PSG1: variants seen among roughly 807,000 people sequenced by gnomAD.
The protein encoded by PSG1 is pregnancy-specific beta-1-glycoprotein 1.
In PSG1, 60 loss-of-function variants were observed where a neutral mutation model predicts 41.4. The observed-to-expected ratio is 1.45, with a 90% confidence interval of 1.18 to 1.80. The LOEUF is 1.80. PSG1 is among the 40% of genes most tolerant of loss of function. The pLI, the probability that PSG1 is intolerant of heterozygous loss-of-function variation, is 0.00. For missense variants in PSG1, 806 were observed against 516.9 expected (o/e 1.56, Z -5.42); for synonymous variants, 256 against 192.9 (o/e 1.33, Z -2.71).
In PSG1 at chr19:42,869,290, C is replaced by T. The variant is rs576891435; in HGVS notation, c.710-256G>A. 1.9e-3 allele frequency: 1,482 copies of T among 779,372 alleles called. 12 individuals carry two copies. The highest frequency in any genetic ancestry group is 5.7e-3 in the South Asian group (248 of 43,854). 48.3% of individuals were successfully genotyped at this position (779,372 alleles called of 1,614,324 possible). On this transcript the variant is annotated intron_variant, in intron 3 of 5. Coordinates refer to ENST00000436291, the MANE Select transcript of PSG1 (RefSeq NM_001184825.2). ...AGCAGTGTTGGGTCATGGACAGACA[C>T]GTCAGTGGGAGTCACAGCCCCTGGT...
At position 42,868,163 on chromosome 19, in the gene PSG1, C is replaced by A. The variant is rs571012006; in HGVS notation, c.1181G>T (p.Cys394Phe). The A allele has an allele frequency of 6.2e-6, 10 of 1,612,396 alleles. 1 individual carries two copies. In the Admixed American group the frequency reaches 1.2e-4, roughly 19 times the overall value. The change falls in exon 5 of 6, where the codon TGC becomes TTC. Residue 394 changes from cysteine to phenylalanine, a missense_variant. Cys to Phe is a radical substitution (Grantham distance 205, BLOSUM62 -2). Transcript: ENST00000436291. ...GCCAGTGGCTGAGTTACGAACAGAG[C>A]AAACATAGAGCCCGCTATGCTTTGT... is the stretch of plus-strand genomic sequence containing the variant. The part of the protein sequence containing the change: ...ITTKHSGLYV[C>F]SVRNSATGKE...
At chr19:42,870,056 G>T (rs1182835732) in intron 3 of PSG1, 2 of 151,636 alleles carry the variant, frequency 1.3e-5, no homozygotes, top group African/African-American at 4.8e-5. Flanking sequence ...AATATGAGAA[G>T]AGACTGCTGG....
Position 42,866,841 on chromosome 19 carries a change from T to G in PSG1, c.*293A>C. ...AAGAGGCAGGCATGAGCAAGGACAG[T>G]TAAGAGGGGGGAGAGCCTCATCATG... On this transcript the variant is annotated 3_prime_UTR_variant, in exon 6 of 6. Coordinates refer to ENST00000436291, the MANE Select transcript of PSG1 (RefSeq NM_001184825.2). 1 of 615,886 alleles carries G rather than the reference T, an allele frequency of 1.6e-6. No homozygotes were observed. The highest frequency in any genetic ancestry group is 1.9e-5 in the South Asian group (1 of 52,844). The allele number at this position is 615,886 out of a possible 1,614,324, so 38.2% of individuals were successfully genotyped here. A position where few individuals can be genotyped will look rare whatever the true frequency, so the allele number is the denominator to read the frequency against.
At chr19:42,874,674 T>C (rs1348295722) in intron 2 of PSG1, among the ~76,000 whole-genome samples, 1 of 151,782 alleles carries the variant, frequency 6.6e-6, no homozygotes, top group Non-Finnish European at 1.5e-5. Flanking sequence ...TGTTGCCTTT[T>C]GAGTTTGTTC....
At position 42,877,167 on chromosome 19, in the gene PSG1, G is replaced by A. The variant is rs143094817; in HGVS notation, c.430+746C>T. On this transcript the variant is annotated intron_variant, in intron 2 of 5. Transcript: ENST00000436291. ...TGCTTCCATGAGAAAGCACCTTTAC[G>A]TCAGATCCCTGTGGACAAGCTGCTA... Among the ~76,000 whole-genome samples, 553 of 151,600 alleles carry A rather than the reference G, an allele frequency of 3.6e-3. 6 individuals are homozygous for A. Among genetic ancestry groups the A allele is most frequent in the African/African-American group, 0.012 (504 of 41,284 alleles).
chr19:42,867,583 A>G, intron 5 of PSG1: 1 of 659,372 alleles, frequency 1.5e-6, no homozygotes, highest in Non-Finnish European at 2.7e-6. Context: ...GTGTCATGTT[A>G]CAAAGAAAGC....
intron 3 of PSG1, chr19:42,870,420 C>G (rs1471720170): frequency 6.6e-6 from 1 of 151,484 alleles, no homozygotes. Flanking sequence ...ACGTTTCTAG[C>G]TTGGTGATCA....
In PSG1 at chr19:42,868,820, A is replaced by G. The variant is rs1342848397; in HGVS notation, c.924T>C (p.Tyr308=). The G allele has an allele frequency of 3.1e-6, 5 of 1,611,776 alleles. No homozygotes were observed. Among genetic ancestry groups the G allele is most frequent in the Non-Finnish European group, 4.2e-6 (5 of 1,179,084 alleles). Residue 308 remains tyrosine (Y), a synonymous_variant, in exon 4 of 6, where the codon TAT becomes TAC. Transcript: ENST00000436291. ...PSVTRNETGP[Y]QCEIRDRYGG... is the part of the protein sequence containing the mutation. ...CATATCGGTCCCGTATTTCACATTGATAGGGTCCTGTTTCATTTCTCGTGA... is the reference window on the plus strand; with the variant it reads ...CATATCGGTCCCGTATTTCACATTGGTAGGGTCCTGTTTCATTTCTCGTGA...
chr19:42,870,967 G>A (rs1380391212), intron 3 of PSG1, among the ~76,000 whole-genome samples: 2 of 151,594 alleles, frequency 1.3e-5, no homozygotes, highest in African/African-American at 4.8e-5. Flanking sequence ...GCAAAAGCTG[G>A]TGGTTTTGGA....
Position 42,878,732 on chromosome 19 carries a change from T to G in PSG1, c.65-454A>C, listed in dbSNP as rs551967636. Among the ~76,000 whole-genome samples, 24 of 149,738 alleles carry G rather than the reference T, an allele frequency of 1.6e-4. 1 individual carries two copies. Among genetic ancestry groups the G allele is most frequent in the Middle Eastern group, 6.8e-3 (2 of 292 alleles). ...TCAACACCTGACCTCACATTCTAGA[T>G]CTCTTTGCATGTCTGTCTTCCCCCC... On this transcript the variant is annotated intron_variant, in intron 1 of 5. Transcript: ENST00000436291.
chr19:42,873,220 CTAAG>C (rs1338835273), intron 2 of PSG1, among the ~76,000 whole-genome samples: 11 of 151,730 alleles, frequency 7.2e-5, no homozygotes, highest in Non-Finnish European at 1.5e-5. Context: ...AAGCTTGAAA[CTAAG>C]TGTTTTGGAT....
intron 2 of PSG1, among the ~76,000 whole-genome samples, chr19:42,877,238 T>A (rs10422747): frequency 0.025 from 3,807 of 151,674 alleles, 190 homozygotes; most frequent in East Asian, 0.11. Context: ...GGGACATTAG[T>A]CTTTCTATGG....
intron 5 of PSG1, 136 bp downstream of exon 5, chr19:42,867,965 T>A: frequency 6.3e-7 from 1 of 1,594,784 alleles, no homozygotes; most frequent in Middle Eastern, 2.3e-4. Context: ...ATTTGGAGGG[T>A]TCAGGAGGAG....
intron 5 of PSG1, 62 bp downstream of exon 5, chr19:42,868,039 C>T (rs748416329): frequency 6.2e-6 from 10 of 1,611,752 alleles, no homozygotes; most frequent in Middle Eastern, 1.7e-4. Flanking sequence ...CCTGACTCTT[C>T]TCTGAATGCC....
rs146995358 is a variant in PSG1, at chr19:42,871,789, G to T, written c.687C>A (p.Asp229Glu). The T allele has an allele frequency of 1.6e-5, 25 of 1,612,482 alleles. 2 individuals carry two copies. The African/African-American group carries it at 2.8e-4, about 18-fold the overall frequency. ...IRNPVSASRS[D>E]PVTLNLLPKL... is the part of the protein sequence containing the mutation. ...CACGGAGGAGATTCAGGGTGACTGGGTCACTGCGGCTGGCACTCACTGGGT... is the reference window on the plus strand; with the variant it reads ...CACGGAGGAGATTCAGGGTGACTGGTTCACTGCGGCTGGCACTCACTGGGT... Residue 229 changes from aspartate (D) to glutamate (E), a missense_variant, in exon 3 of 6, where the codon GAC becomes GAA. Coordinates refer to ENST00000436291, the MANE Select transcript of PSG1 (RefSeq NM_001184825.2).
At chr19:42,867,575 G>T (rs1769122206) in intron 5 of PSG1, 1 of 650,648 alleles carries the variant, frequency 1.5e-6, no homozygotes, top group Admixed American at 3.2e-5. Flanking sequence ...TTTCAAATGT[G>T]TCATGTTACA....
intron 2 of PSG1, among the ~76,000 whole-genome samples, chr19:42,875,271 C>A (rs1158707059): frequency 1.3e-5 from 2 of 151,766 alleles, no homozygotes; most frequent in African/African-American, 4.8e-5. Flanking sequence ...ATAAAACTAA[C>A]ACCCTTACTT....
rs781171051 is a variant in PSG1 at position 42,871,993 on chromosome 19, G to A, written c.483C>T (p.Thr161=). 5 of 1,612,286 alleles carry A rather than the reference G, an allele frequency of 3.1e-6. No homozygotes were observed. Among genetic ancestry groups the A allele is most frequent in the East Asian group, 2.2e-5 (1 of 44,778 alleles). The change falls in exon 3 of 6, where the codon ACC becomes ACT. Residue 161 remains threonine (T), a synonymous_variant. Transcript: ENST00000436291. ...ISSSNLNPRE[T]MEAVSLTCDP... is the part of the protein sequence containing the mutation. ...CACAGGTTAAGCTCACAGCCTCCAT[G>A]GTCTCCCTGGGATTTAAGTTGCTGC...
intron 3 of PSG1, chr19:42,869,244 T>C (rs376192763): frequency 8.7e-7 from 1 of 1,145,326 alleles, no homozygotes; most frequent in South Asian, 1.7e-5. Flanking sequence ...AAGCACAGAC[T>C]TTCTGAAGTG....
Sources: allele counts gnomAD v4.1 joint callset (sites outside exome capture counted in the v4.1 genomes callset), GRCh38; gene constraint gnomAD v4.1.1; transcripts MANE v1.5; gene names NCBI Gene and HGNC (gene_info 2026-07-23, HGNC 2026-07-21).